Variants in MSRA observed in about 807,000 individuals in gnomAD.
MSRA encodes the protein methionine sulfoxide reductase A, also known as mitochondrial peptide methionine sulfoxide reductase.
In MSRA, 54 loss-of-function variants were observed where a neutral mutation model predicts 31.3. The observed-to-expected ratio is 1.73, with a 90% confidence interval of 1.39 to 2.17. MSRA has a LOEUF of 2.17. MSRA is among the 30% of genes most tolerant of loss of function. MSRA has a pLI of 0.00. For synonymous variants in MSRA, 169 were observed against 116.5 expected (o/e 1.45, Z -2.90); for missense variants, 507 against 300.9 (o/e 1.69, Z -5.07).
intron 3 of MSRA, among the ~76,000 whole-genome samples, chr8:10,259,265 T>G (rs1445817248): frequency 6.6e-6 from 1 of 152,206 alleles, no homozygotes; most frequent in Non-Finnish European, 1.5e-5. Flanking sequence ...TTTTGGGCTG[T>G]AGCAAGGTGA....
At chr8:10,120,508 A>G (rs921620366) in intron 1 of MSRA, among the ~76,000 whole-genome samples, 2 of 152,206 alleles carry the variant, frequency 1.3e-5, no homozygotes, top group African/African-American at 4.8e-5. Context: ...ATACTAAGCT[A>G]AAATGTTTTG....
chr8:10,286,635 G>C (rs1342972315), intron 3 of MSRA, among the ~76,000 whole-genome samples: 1 of 152,224 alleles, frequency 6.6e-6, no homozygotes, highest in African/African-American at 2.4e-5. Flanking sequence ...CAGAGCACTT[G>C]TCTGTGCCCC....
chr8:10,400,849 C>T (rs1807416244), intron 5 of MSRA, among the ~76,000 whole-genome samples: 2 of 152,150 alleles, frequency 1.3e-5, no homozygotes, highest in African/African-American at 2.4e-5. Context: ...TGGATCCTTA[C>T]CTCACACCAT....
intron 5 of MSRA, among the ~76,000 whole-genome samples, chr8:10,419,085 T>C (rs1354652541): frequency 6.6e-6 from 1 of 152,170 alleles, no homozygotes; most frequent in Non-Finnish European, 1.5e-5. Flanking sequence ...CTCCCACGCA[T>C]GTGCCCACAG....
At chr8:10,268,529 C>G (rs943416009) in intron 3 of MSRA, among the ~76,000 whole-genome samples, 3 of 152,240 alleles carry the variant, frequency 2.0e-5, no homozygotes, top group African/African-American at 4.8e-5. Context: ...TGTTTCCCAT[C>G]TGCCTCTTCT....
At chr8:10,259,194 A>T (rs767735224) in intron 3 of MSRA, among the ~76,000 whole-genome samples, 1 of 152,158 alleles carries the variant, frequency 6.6e-6, no homozygotes, top group Non-Finnish European at 1.5e-5. Context: ...CCTGAAAACA[A>T]ATGGACTTAG....
chr8:10,121,677 CT>C (rs540682515), intron 1 of MSRA, among the ~76,000 whole-genome samples: 7 of 148,388 alleles, frequency 4.7e-5, no homozygotes, highest in Admixed American at 6.7e-5. Flanking sequence ...CTCCCTCTCT[CT>C]TTTTTTTTTG....
intron 1 of MSRA, among the ~76,000 whole-genome samples, chr8:10,110,997 G>A (rs114336948): frequency 6.6e-6 from 1 of 152,162 alleles, no homozygotes; most frequent in South Asian, 2.1e-4. Context: ...TTTTATGTAG[G>A]TTCTGTCTGA....
chr8:10,181,097 C>T (rs115278649), intron 1 of MSRA, among the ~76,000 whole-genome samples: 4 of 152,222 alleles, frequency 2.6e-5, no homozygotes, highest in African/African-American at 7.2e-5. Context: ...AAAAATTCGT[C>T]TACAGCTCCC....
chr8:10,425,894 C>A (rs1809128083), intron 5 of MSRA, among the ~76,000 whole-genome samples: 1 of 152,244 alleles, frequency 6.6e-6, no homozygotes, highest in Non-Finnish European at 1.5e-5. Context: ...TCCCTCAGTT[C>A]TCCGAACTTG....
chr8:10,184,008 G>T (rs1346417780), intron 1 of MSRA, among the ~76,000 whole-genome samples: 2 of 149,156 alleles, frequency 1.3e-5, no homozygotes, highest in African/African-American at 4.9e-5. Context: ...CTACTAGGTG[G>T]TGGTGGTGTT....
chr8:10,373,775 A>T (rs968277362), intron 5 of MSRA, among the ~76,000 whole-genome samples: 1 of 152,200 alleles, frequency 6.6e-6, no homozygotes, highest in African/African-American at 2.4e-5. Flanking sequence ...CCAGATGATG[A>T]CCGCACTTTG....
intron 1 of MSRA, among the ~76,000 whole-genome samples, chr8:10,110,387 A>T (rs1049711148): frequency 1.3e-5 from 2 of 152,028 alleles, no homozygotes; most frequent in African/African-American, 4.8e-5. Flanking sequence ...TTTGTTACCC[A>T]CTAAGATGCA....
intron 1 of MSRA, among the ~76,000 whole-genome samples, chr8:10,188,555 T>A (rs1807246331): frequency 6.6e-6 from 1 of 152,252 alleles, no homozygotes; most frequent in Non-Finnish European, 1.5e-5. Flanking sequence ...CATTTATAGC[T>A]ACGATCCATT....
intron 5 of MSRA, among the ~76,000 whole-genome samples, chr8:10,359,294 C>T (rs945497173): frequency 1.3e-5 from 2 of 151,724 alleles, no homozygotes; most frequent in Non-Finnish European, 2.9e-5. Flanking sequence ...TTCTTTTCTT[C>T]TTGATTTTAA....
intron 5 of MSRA, among the ~76,000 whole-genome samples, chr8:10,340,186 G>C (rs967686876): frequency 6.6e-6 from 1 of 152,126 alleles, no homozygotes; most frequent in Non-Finnish European, 1.5e-5. Context: ...AGACCACAGT[G>C]ACACACCTGC....
intron 1 of MSRA, among the ~76,000 whole-genome samples, chr8:10,074,914 C>T (rs1797929245): frequency 6.6e-6 from 1 of 152,122 alleles, no homozygotes; most frequent in Admixed American, 6.6e-5. Flanking sequence ...CTGTCTCGGC[C>T]TCCCGAAGTG....
At chr8:10,088,946 T>C (rs1416709173) in intron 1 of MSRA, among the ~76,000 whole-genome samples, 1 of 152,106 alleles carries the variant, frequency 6.6e-6, no homozygotes, top group Non-Finnish European at 1.5e-5. Context: ...CAAATATTAA[T>C]ACACACGTAG....
chr8:10,137,931 T>A (rs539842945), intron 1 of MSRA, among the ~76,000 whole-genome samples: 12 of 152,338 alleles, frequency 7.9e-5, no homozygotes, highest in African/African-American at 2.9e-4. Context: ...TTATCTCTAG[T>A]GTCTGTATTT....
Sources: gnomAD v4.1 joint callset for allele counts (sites outside exome capture counted in the v4.1 genomes callset) on GRCh38, gnomAD v4.1.1 for gene constraint, MANE v1.5 for transcripts, NCBI Gene and HGNC (gene_info 2026-07-23, HGNC 2026-07-21) for gene names.